ZC3H12B: variants seen among roughly 807,000 people sequenced by gnomAD.
ZC3H12B encodes the protein probable ribonuclease ZC3H12B.
Under a neutral mutation model 43.9 loss-of-function variants are expected in ZC3H12B, and 7 were observed. The observed-to-expected ratio is 0.16, with a 90% CI of 0.09 to 0.30. The LOEUF is 0.30. ZC3H12B is among the 10% of genes least tolerant of loss of function. The probability of loss-of-function intolerance (pLI) is 1.00; values close to 1 mark genes in which losing one functional copy is unlikely to be tolerated. For missense variants in ZC3H12B, 475 were observed against 670.2 expected (o/e 0.71, Z 3.22); for synonymous variants, 222 against 241.7 (o/e 0.92, Z 0.76).
chrX:65,450,054 C>T (rs2067449411), intron 3 of ZC3H12B, among the ~76,000 whole-genome samples: 1 of 109,168 alleles, frequency 9.2e-6, no homozygotes, highest in African/African-American at 3.3e-5. Flanking sequence ...CGCCTGTAAT[C>T]CCAACACTTT....
the ZC3H12B span, among the ~76,000 whole-genome samples, chrX:65,154,790 A>T: frequency 9.0e-6 from 1 of 111,622 alleles, no homozygotes; most frequent in Non-Finnish European, 1.9e-5. Flanking sequence ...GGCTGCAGTG[A>T]GCTGTGTTTA....
intron 2 of ZC3H12B, among the ~76,000 whole-genome samples, chrX:65,397,914 A>C (rs1387781929): frequency 7.1e-5 from 8 of 112,275 alleles, no homozygotes; most frequent in Non-Finnish European, 1.5e-4. Context: ...ATTAGAACTG[A>C]TAAACAAATT....
the ZC3H12B span, among the ~76,000 whole-genome samples, chrX:65,336,463 G>A: frequency 9.0e-6 from 1 of 110,791 alleles, no homozygotes; most frequent in Non-Finnish European, 1.9e-5. Context: ...TCCAGCCAGA[G>A]CAAAATACAT....
intron 2 of ZC3H12B, among the ~76,000 whole-genome samples, chrX:65,391,417 T>G (rs1336264258): frequency 1.8e-5 from 2 of 112,300 alleles, no homozygotes; most frequent in Non-Finnish European, 3.8e-5. Flanking sequence ...TCTTTGATTT[T>G]GAGAAAACTA....
At chrX:65,355,264 G>A in the ZC3H12B span, among the ~76,000 whole-genome samples, 5 of 111,532 alleles carry the variant, frequency 4.5e-5, no homozygotes, top group South Asian at 3.8e-4. Context: ...AGTGGATCTC[G>A]CTGCAGAAAC....
At chrX:65,167,253 C>A in the ZC3H12B span, among the ~76,000 whole-genome samples, 2 of 111,979 alleles carry the variant, frequency 1.8e-5, no homozygotes, top group Non-Finnish European at 3.8e-5. Context: ...TTTCAGCTTT[C>A]TACATATGGC....
At chrX:65,288,681 G>A in the ZC3H12B span, among the ~76,000 whole-genome samples, 15 of 111,423 alleles carry the variant, frequency 1.3e-4, no homozygotes, top group East Asian at 5.6e-4. Context: ...CTTATATCTC[G>A]AATAAGACAA....
At chrX:65,434,929 G>GA (rs2067202847) in intron 3 of ZC3H12B, among the ~76,000 whole-genome samples, 1 of 110,257 alleles carries the variant, frequency 9.1e-6, no homozygotes, top group African/African-American at 3.3e-5. Context: ...ACTTTCTCTG[G>GA]AAAAAAGAAA....
chrX:65,101,256 G>A, the ZC3H12B span, among the ~76,000 whole-genome samples: 3 of 111,811 alleles, frequency 2.7e-5, no homozygotes, highest in Non-Finnish European at 5.6e-5. Context: ...GTGTTTAGAG[G>A]GAAATTTATA....
chrX:65,490,345 TG>T (rs2068186665), intron 1 of ZC3H12B, among the ~76,000 whole-genome samples: 1 of 90,188 alleles, frequency 1.1e-5, no homozygotes, highest in Non-Finnish European at 2.1e-5. Flanking sequence ...CCAAAGAATG[TG>T]GGTGGCCTTT....
the ZC3H12B span, among the ~76,000 whole-genome samples, chrX:65,206,126 A>G: frequency 8.9e-5 from 10 of 112,130 alleles, no homozygotes; most frequent in Admixed American, 1.9e-4. Flanking sequence ...GAAGCAAGAT[A>G]CAACCATTAT....
the ZC3H12B span, among the ~76,000 whole-genome samples, chrX:65,057,105 A>T: frequency 0.014 from 1,614 of 111,716 alleles, 10 homozygotes; most frequent in Middle Eastern, 0.055. Context: ...TAATATTGTT[A>T]TGTGTGAATT....
the ZC3H12B span, among the ~76,000 whole-genome samples, chrX:65,343,876 A>C: frequency 9.8e-5 from 11 of 112,029 alleles, no homozygotes; most frequent in African/African-American, 3.6e-4. Context: ...GAAGAAAGAA[A>C]GTCAAATGAT....
the ZC3H12B span, among the ~76,000 whole-genome samples, chrX:65,111,472 G>A: frequency 9.0e-6 from 1 of 110,600 alleles, no homozygotes; most frequent in African/African-American, 3.3e-5. Context: ...CTGCACTGAA[G>A]GATATATATA....
the ZC3H12B span, among the ~76,000 whole-genome samples, chrX:65,336,325 C>T: frequency 2.8e-5 from 3 of 108,247 alleles, no homozygotes; most frequent in Admixed American, 9.8e-5. Context: ...CAACCCAGCC[C>T]GCTACACCAT....
chrX:65,428,460 C>T (rs777996889), intron 3 of ZC3H12B, among the ~76,000 whole-genome samples: 1 of 112,338 alleles, frequency 8.9e-6, no homozygotes, highest in South Asian at 3.7e-4. Flanking sequence ...TGTTTTAATT[C>T]CTTTTTCTCT....
chrX:65,226,574 G>C, the ZC3H12B span, among the ~76,000 whole-genome samples: 2 of 111,448 alleles, frequency 1.8e-5, no homozygotes, highest in African/African-American at 3.3e-5. Flanking sequence ...CCAATTAAAA[G>C]ACACAGACTG....
the ZC3H12B span, among the ~76,000 whole-genome samples, chrX:65,168,736 C>T: frequency 4.5e-5 from 5 of 111,297 alleles, no homozygotes; most frequent in Admixed American, 4.8e-4. Context: ...CTGGTCTATT[C>T]AGCAATTCAA....
the ZC3H12B span, among the ~76,000 whole-genome samples, chrX:65,212,182 T>C: frequency 2.2e-5 from 1 of 44,650 alleles, no homozygotes; most frequent in African/African-American, 9.1e-5. Flanking sequence ...TATTATATAT[T>C]ATATATTATA....
Sources: gnomAD v4.1 joint callset for allele counts (sites outside exome capture counted in the v4.1 genomes callset) on GRCh38, gnomAD v4.1.1 for gene constraint, MANE v1.5 for transcripts, NCBI Gene and HGNC (gene_info 2026-07-23, HGNC 2026-07-21) for gene names.